The following CADPS variants were observed in gnomAD, a reference collection of about 807,000 sequenced individuals.
The protein encoded by CADPS is calcium dependent secretion activator.
In CADPS, 57 loss-of-function variants were observed where a neutral mutation model predicts 167.3. The ratio of observed to expected loss-of-function variants is 0.34; its 90% CI spans 0.28 to 0.42. CADPS has a LOEUF of 0.42. Ranked by LOEUF, CADPS falls within the 20% of genes least tolerant of loss-of-function variation. The pLI is 1.00. For synonymous variants in CADPS, 676 were observed against 635.3 expected, an observed-to-expected ratio of 1.06 and a Z score of -0.96; for missense variants, 1,414 against 1,738.1, an observed-to-expected ratio of 0.81 and a Z score of 3.32.
At chr3:62,513,683 G>A (rs769394333) in intron 16 of CADPS, 21 of 1,590,588 alleles carry the variant, frequency 1.3e-5, no homozygotes, top group Non-Finnish European at 1.8e-5. Flanking sequence ...AAGACAGGAT[G>A]CTCATACATT....
Position 62,874,800 on chromosome 3 carries a change from C to T in CADPS, c.230G>A (p.Gly77Glu), listed in dbSNP as rs1200827323. Residue 77 changes from glycine (G) to glutamate (E), a missense_variant, in exon 1 of 30, where the codon GGG becomes GAG. By Grantham distance (98) the Gly-to-Glu change is moderately conservative. Around this residue, in one of 6 missense-constraint regions of CADPS, gnomAD observed 522 missense variants for 559.5 expected, o/e 0.93. Coordinates refer to ENST00000383710, the MANE Select transcript of CADPS (RefSeq NM_003716.4). This position sits in a 1 kb window ranked among gnomAD's most constrained non-coding sequence, Gnocchi z 7.1. ...SGASSGGGAG[G>E]LQPSSRAGGG... ...GCCAGCGCGGCTGCTGGGTTGCAGC[C>T]CCCCGGCCCCGCCGCCGCTGCTCGC... is the stretch of plus-strand genomic sequence containing the variant. The T allele has an allele frequency of 5.0e-6, 6 of 1,205,724 alleles. No individual in the cohort carries two copies. The highest frequency in any genetic ancestry group is 3.2e-5 in the African/African-American group (2 of 62,036). 74.7% of individuals were successfully genotyped at this position (1,205,724 alleles called of 1,614,324 possible). A position where few individuals can be genotyped will look rare whatever the true frequency, so the allele number is the denominator to read the frequency against.
intron 1 of CADPS, among the ~76,000 whole-genome samples, chr3:62,852,840 A>G (rs1435157281): frequency 6.6e-6 from 1 of 152,214 alleles, no homozygotes; most frequent in Non-Finnish European, 1.5e-5. Flanking sequence ...TATCTGAGTT[A>G]TCTATTTACA....
intron 1 of CADPS, among the ~76,000 whole-genome samples, chr3:62,807,360 C>T (rs2094155842): frequency 1.3e-5 from 2 of 150,982 alleles, no homozygotes; most frequent in Admixed American, 1.3e-4. Context: ...CTCCTGGGTA[C>T]AAGTGATTCT....
chr3:62,558,845 G>A (rs1196006146), intron 9 of CADPS, among the ~76,000 whole-genome samples: 2 of 152,176 alleles, frequency 1.3e-5, no homozygotes, highest in Non-Finnish European at 2.9e-5. Context: ...AATGCCAGGG[G>A]AAACCTAAGG....
At position 62,874,555 on chromosome 3, in the gene CADPS, G is replaced by A; in HGVS notation, c.441+34C>T. On this transcript the variant is annotated intron_variant, in intron 1 of 29. Coordinates refer to ENST00000383710, the MANE Select transcript of CADPS (RefSeq NM_003716.4). This position sits in a 1 kb window ranked among gnomAD's most constrained non-coding sequence, Gnocchi z 7.1. Reference sequence around the variant, plus strand: ...CACCCCGCCCGCCTGGCGACGTCCGGGTGCTGCTCCCTGGGCCTCCCAGGC... The same window carrying A: ...CACCCCGCCCGCCTGGCGACGTCCGAGTGCTGCTCCCTGGGCCTCCCAGGC... 1 of 1,504,484 alleles carries A rather than the reference G, an allele frequency of 6.6e-7. No homozygotes were observed. The highest frequency in any genetic ancestry group is 2.6e-5 in the East Asian group (1 of 38,780). 93.2% of individuals were successfully genotyped at this position (1,504,484 alleles called of 1,614,324 possible). A position where few individuals can be genotyped will look rare whatever the true frequency, so the allele number is the denominator to read the frequency against.
At chr3:62,650,350 T>C (rs1001515249) in intron 5 of CADPS, among the ~76,000 whole-genome samples, 18 of 152,178 alleles carry the variant, frequency 1.2e-4, no homozygotes, top group African/African-American at 4.3e-4. Context: ...GAGAAACTTA[T>C]TGACATGTTG....
chr3:62,451,374 C>A (rs1481804410), intron 26 of CADPS, among the ~76,000 whole-genome samples: 1 of 151,982 alleles, frequency 6.6e-6, no homozygotes, highest in African/African-American at 2.4e-5. Context: ...GGGAGCGCGG[C>A]AGGGGCTTAA....
At chr3:62,684,544 C>T (rs2151107157) in intron 3 of CADPS, among the ~76,000 whole-genome samples, 1 of 152,190 alleles carries the variant, frequency 6.6e-6, no homozygotes, top group Non-Finnish European at 1.5e-5. Context: ...ATCCTCAATT[C>T]AGATGAGAAC....
At chr3:62,561,275 A>G (rs1158638226) in intron 9 of CADPS, among the ~76,000 whole-genome samples, 3 of 151,816 alleles carry the variant, frequency 2.0e-5, no homozygotes, top group African/African-American at 4.8e-5. Flanking sequence ...TCTTTCTCAA[A>G]ATAGGGTCTT....
At chr3:62,816,341 C>T (rs1050461298) in intron 1 of CADPS, among the ~76,000 whole-genome samples, 1 of 152,080 alleles carries the variant, frequency 6.6e-6, no homozygotes, top group Non-Finnish European at 1.5e-5. Flanking sequence ...CTCTCACTCA[C>T]CACCCCCACT....
chr3:62,533,095 A>G, intron 12 of CADPS, 37 bp from the exon 13 acceptor site: 1 of 1,582,154 alleles, frequency 6.3e-7, no homozygotes, highest in Non-Finnish European at 8.7e-7. Context: ...TCTTTTAAAT[A>G]CAGGTTGTTT....
At chr3:62,639,124 A>T (rs1007627542) in intron 6 of CADPS, among the ~76,000 whole-genome samples, 4 of 152,184 alleles carry the variant, frequency 2.6e-5, no homozygotes, top group African/African-American at 9.6e-5. Flanking sequence ...TCTGAGAGGC[A>T]GTACAGTGTC....
At chr3:62,802,854 C>G (rs1240211733) in intron 1 of CADPS, among the ~76,000 whole-genome samples, 1 of 152,162 alleles carries the variant, frequency 6.6e-6, no homozygotes, top group Non-Finnish European at 1.5e-5. Context: ...ATTCTCTGGT[C>G]TGGTTCAGAA....
At position 62,463,634 on chromosome 3, in the gene CADPS, C is replaced by T. The variant is rs939214115; in HGVS notation, c.3636+1733G>A. On this transcript the variant is annotated intron_variant, in intron 26 of 29. Transcript: ENST00000383710. Reference sequence around the variant, plus strand: ...GGTGGGGGAAAGCTGGCAGGACACACTGGTTCCTGTCCCCACTCTGCCCAT... The same window carrying T: ...GGTGGGGGAAAGCTGGCAGGACACATTGGTTCCTGTCCCCACTCTGCCCAT... 2.0e-5 allele frequency among the ~76,000 whole-genome samples: 3 copies of T among 152,336 alleles called. No individual in the cohort carries two copies. The East Asian group carries it at 5.8e-4, about 29-fold the overall frequency.
chr3:62,644,326 AAAGG>A (rs1437798510), intron 6 of CADPS, among the ~76,000 whole-genome samples: 3 of 152,174 alleles, frequency 2.0e-5, no homozygotes, highest in African/African-American at 7.2e-5. Context: ...CTGAGATAGA[AAAGG>A]AAGGGAGAGG....
chr3:62,442,366 C>T (rs780089539), intron 27 of CADPS, among the ~76,000 whole-genome samples: 4 of 151,940 alleles, frequency 2.6e-5, no homozygotes, highest in Admixed American at 6.6e-5. Flanking sequence ...TACAGGTGCA[C>T]GCCACCACAC....
intron 3 of CADPS, among the ~76,000 whole-genome samples, chr3:62,707,369 C>A (rs2082512421): frequency 6.6e-6 from 1 of 152,112 alleles, no homozygotes; most frequent in South Asian, 2.1e-4. Flanking sequence ...CAAAACCAGT[C>A]CGTGATCCCA....
intron 18 of CADPS, among the ~76,000 whole-genome samples, chr3:62,496,656 C>T (rs937318671): frequency 7.2e-5 from 11 of 152,294 alleles, no homozygotes; most frequent in Admixed American, 2.6e-4. Flanking sequence ...ATTGTTATCT[C>T]CACTTTACAG....
chr3:62,516,978 G>A (rs1025304488), intron 14 of CADPS, among the ~76,000 whole-genome samples: 3 of 152,010 alleles, frequency 2.0e-5, no homozygotes, highest in Admixed American at 1.3e-4. Flanking sequence ...CGAGACTGGC[G>A]TTAAAAAAGT....
Sources: allele counts gnomAD v4.1 joint callset (sites outside exome capture counted in the v4.1 genomes callset), GRCh38; gene constraint gnomAD v4.1.1; regional missense constraint gnomAD v4.1.1; non-coding constraint Gnocchi (gnomAD v3.1); transcripts MANE v1.5; gene names NCBI Gene and HGNC (gene_info 2026-07-23, HGNC 2026-07-21).